Variants in CFAP69 observed in about 807,000 individuals in gnomAD.
CFAP69 encodes cilia and flagella associated protein 69.
Under a neutral mutation model 123.0 loss-of-function variants are expected in CFAP69, and 92 were observed. That is an observed-to-expected ratio of 0.75 (90% CI 0.63 to 0.89). The LOEUF (loss-of-function observed/expected upper bound fraction) is 0.89, where lower values mean the gene tolerates loss of function less well. CFAP69 is among the 40% of genes least tolerant of loss of function. The pLI is 0.00. For synonymous variants in CFAP69, 380 were observed against 364.3 expected (o/e 1.04, Z -0.49); for missense variants, 1,067 against 1,096.9 (o/e 0.97, Z 0.39).
intron 17 of CFAP69, chr7:90,301,513 T>C (rs937941586): frequency 1.7e-4 from 26 of 152,252 alleles, no homozygotes; most frequent in African/African-American, 5.8e-4. Context: ...TCAGTGTGTG[T>C]TGTTCTCCTC....
intron 15 of CFAP69, among the ~76,000 whole-genome samples, chr7:90,296,212 A>G (rs1325140134): frequency 6.6e-6 from 1 of 152,176 alleles, no homozygotes; most frequent in African/African-American, 2.4e-5. Context: ...CAATGTTTAA[A>G]GTGCACCAAC....
At chr7:90,273,958 A>G in intron 8 of CFAP69, 29 bp from the exon 9 acceptor site, 3 of 1,512,438 alleles carry the variant, frequency 2.0e-6, no homozygotes, top group Non-Finnish European at 2.7e-6. Flanking sequence ...ATAACAATAT[A>G]GTTTTTAAAA....
chr7:90,266,202 A>G (rs775475876), intron 5 of CFAP69: 2 of 152,164 alleles, frequency 1.3e-5, no homozygotes, highest in Non-Finnish European at 2.9e-5. Flanking sequence ...TATTTTTAAC[A>G]TAGACACTAA....
At chr7:90,305,629 G>T (rs1177161025) in intron 19 of CFAP69, among the ~76,000 whole-genome samples, 2 of 151,738 alleles carry the variant, frequency 1.3e-5, no homozygotes, top group Non-Finnish European at 2.9e-5. Context: ...GAGGTGGGTG[G>T]ATCACCCAAG....
intron 15 of CFAP69, among the ~76,000 whole-genome samples, chr7:90,295,028 G>A (rs778377364): frequency 1.1e-4 from 17 of 152,092 alleles, no homozygotes; most frequent in Non-Finnish European, 2.4e-4. Context: ...CAGTCGAGAC[G>A]GGATCTTTTC....
chr7:90,284,598 G>A (rs2117104520), intron 13 of CFAP69, among the ~76,000 whole-genome samples: 1 of 152,244 alleles, frequency 6.6e-6, no homozygotes, highest in Non-Finnish European at 1.5e-5. Flanking sequence ...TTAATGAGTA[G>A]GACAGAGTAA....
chr7:90,281,302 A>AC (rs1789453464), intron 12 of CFAP69, among the ~76,000 whole-genome samples: 1 of 152,012 alleles, frequency 6.6e-6, no homozygotes, highest in South Asian at 2.1e-4. Flanking sequence ...AGTATTTTCA[A>AC]CTTTTTTTTT....
intron 8 of CFAP69, 55 bp from the exon 9 acceptor site, chr7:90,273,932 C>T (rs182618567): frequency 1.2e-4 from 154 of 1,333,208 alleles, no homozygotes; most frequent in African/African-American, 3.7e-4. Context: ...TTTGGAGGGA[C>T]GCAAACATTT....
intron 1 of CFAP69, among the ~76,000 whole-genome samples, chr7:90,250,229 AGAGAG>A (rs1562832613): frequency 8.1e-6 from 1 of 123,608 alleles, no homozygotes; most frequent in Non-Finnish European, 1.7e-5. Flanking sequence ...AGAGAGAGAG[AGAGAG>A]ACTCCTTGGT....
intron 1 of CFAP69, among the ~76,000 whole-genome samples, chr7:90,247,274 A>G (rs984983004): frequency 6.6e-6 from 1 of 152,184 alleles, no homozygotes; most frequent in Non-Finnish European, 1.5e-5. Flanking sequence ...GGAACGAAAA[A>G]ATGATAACCT....
At chr7:90,275,488 G>GC (rs1409042380) in intron 9 of CFAP69, among the ~76,000 whole-genome samples, 4 of 150,344 alleles carry the variant, frequency 2.7e-5, no homozygotes, top group Non-Finnish European at 5.9e-5. Context: ...GGCTGTGGTT[G>GC]CCTCTGCCCT....
intron 17 of CFAP69, 43 bp downstream of exon 17, chr7:90,300,102 T>C: frequency 7.1e-7 from 1 of 1,407,982 alleles, no homozygotes; most frequent in Non-Finnish European, 9.3e-7. Context: ...TTAATGTATA[T>C]ATTTTAAAAG....
the CFAP69 span, chr7:90,318,237 G>A: frequency 6.6e-6 from 1 of 152,156 alleles, no homozygotes; most frequent in East Asian, 1.9e-4. Flanking sequence ...TTTCTTTAAA[G>A]CTTCACATCC....
At position 90,277,344 on chromosome 7, in the gene CFAP69, A is replaced by G. The variant is rs1223521265; in HGVS notation, c.1155+10A>G. ...TTTACCTACTGTACAGGTAAAGAGT[A>G]ATCAAGGCAGGAAAATCAATAAAAA... On this transcript the variant is annotated intron_variant, in intron 11 of 22. Transcript: ENST00000389297. 9 of 1,478,496 alleles carry G rather than the reference A, an allele frequency of 6.1e-6. No homozygotes were observed. Among genetic ancestry groups the G allele is most frequent in the African/African-American group, 1.4e-5 (1 of 69,068 alleles). The allele number at this position is 1,478,496 out of a possible 1,614,324, so 91.6% of individuals were successfully genotyped here. A position where few individuals can be genotyped will look rare whatever the true frequency, so the allele number is the denominator to read the frequency against.
At chr7:90,294,706 G>A (rs759771922) in intron 15 of CFAP69, among the ~76,000 whole-genome samples, 1 of 152,210 alleles carries the variant, frequency 6.6e-6, no homozygotes, top group South Asian at 2.1e-4. Flanking sequence ...AGGCTTACAG[G>A]TGTCCTAACC....
rs1360237105 is a variant in CFAP69 at position 90,264,102 on chromosome 7, AAAATATATATATATATAT to A, written c.357-1197_357-1180del. 6.5e-4 allele frequency among the ~76,000 whole-genome samples: 22 copies of A among 33,828 alleles called. 2 individuals carry two copies. The highest frequency in any genetic ancestry group is 2.0e-3 in the African/African-American group (21 of 10,696). 22.2% of individuals were successfully genotyped at this position (33,828 alleles called of 152,430 possible). On this transcript the variant is annotated intron_variant, in intron 4 of 22. Coordinates refer to ENST00000389297, the MANE Select transcript of CFAP69 (RefSeq NM_001039706.3). ...CAAGACTCCATCTCGAAAAAAAAAA[AAAATATATATATATATAT>A]ATATATATATATATATATATATATA...
intron 20 of CFAP69, 73 bp from the exon 21 acceptor site, chr7:90,307,695 C>T (rs1793801971): frequency 3.3e-6 from 3 of 902,478 alleles, no homozygotes; most frequent in Middle Eastern, 2.6e-4. Context: ...GCCTGGGTGA[C>T]AGAGTGAGGT....
chr7:90,279,241 A>G (rs953610655), intron 11 of CFAP69, among the ~76,000 whole-genome samples: 7 of 152,102 alleles, frequency 4.6e-5, no homozygotes, highest in African/African-American at 1.7e-4. Context: ...ATGGTACACA[A>G]CTGAGTCTGT....
chr7:90,274,002 A>G lies in CFAP69; in HGVS notation c.876A>G (p.Val292=), dbSNP rs1156971779. The G allele has an allele frequency of 4.4e-6, 7 of 1,597,956 alleles. No homozygotes were observed. The South Asian group carries it at 4.6e-5, about 10-fold the overall frequency. The change falls in exon 9 of 23, where the codon GTA becomes GTG. Residue 292 remains valine (V), a synonymous_variant. Transcript: ENST00000389297. ...TACTTTCTAGGGCTTTGAAGGAAGT[A>G]TTTAAAAATCTGTTTATGAGAGGTT... The part of the protein sequence containing the change: ...NLECLLALKE[V]FKNLFMRGFS...
Sources: allele counts gnomAD v4.1 joint callset (sites outside exome capture counted in the v4.1 genomes callset), GRCh38; gene constraint gnomAD v4.1.1; transcripts MANE v1.5; gene names NCBI Gene and HGNC (gene_info 2026-07-23, HGNC 2026-07-21).